ZFAND3: variants seen among roughly 807,000 people sequenced by gnomAD.
ZFAND3 encodes AN1-type zinc finger protein 3.
In ZFAND3, 10 loss-of-function variants were observed where a neutral mutation model predicts 29.6. The ratio of observed to expected loss-of-function variants is 0.34; its 90% CI spans 0.21 to 0.57. ZFAND3 has a LOEUF of 0.57. Among genes scored for constraint, ZFAND3 ranks in the 20% least tolerant of loss-of-function variants. The pLI is 0.86. For missense variants in ZFAND3, 230 were observed against 304.5 expected, an observed-to-expected ratio of 0.76 and a Z score of 1.82; for synonymous variants, 128 against 112.6, an observed-to-expected ratio of 1.14 and a Z score of -0.87.
intron 4 of ZFAND3, among the ~76,000 whole-genome samples, chr6:38,110,417 A>G (rs2127482028): frequency 6.6e-6 from 1 of 152,322 alleles, no homozygotes; most frequent in East Asian, 1.9e-4. Context: ...GCAAAGCATG[A>G]GGAGAAACAC....
At position 38,152,600 on chromosome 6, in the gene ZFAND3, A is replaced by C. The variant is rs550467518; in HGVS notation, c.*211A>C. 680 of 1,240,650 alleles carry C rather than the reference A, an allele frequency of 5.5e-4. 1 individual carries two copies. Among genetic ancestry groups the C allele is most frequent in the Non-Finnish European group, 6.6e-4 (652 of 992,394 alleles). The allele number at this position is 1,240,650 out of a possible 1,614,324, so 76.9% of individuals were successfully genotyped here. On this transcript the variant is annotated 3_prime_UTR_variant, in exon 6 of 6. Transcript: ENST00000287218. ...CTGGTTACTAAGGTGCCTGCTAGCCATTGTATAAAATTAAAACATGAAGAA... is the reference window on the plus strand; with the variant it reads ...CTGGTTACTAAGGTGCCTGCTAGCCCTTGTATAAAATTAAAACATGAAGAA...
chr6:37,994,488 C>T (rs1762815452), intron 2 of ZFAND3, among the ~76,000 whole-genome samples: 2 of 152,138 alleles, frequency 1.3e-5, no homozygotes, highest in African/African-American at 2.4e-5. Context: ...CCTGCCAACA[C>T]CCCCCTCATA....
intron 2 of ZFAND3, among the ~76,000 whole-genome samples, chr6:38,007,339 C>T (rs750124771): frequency 3.3e-5 from 5 of 152,034 alleles, no homozygotes; most frequent in African/African-American, 1.2e-4. Flanking sequence ...GCAGGAGGAT[C>T]GCTTGAGCTC....
rs12662823 is a variant in ZFAND3 at position 38,032,735 on chromosome 6, C to T, written c.113-28858C>T. ...AGCAAAGCACAAAAGAGTCCCTGAA[C>T]TTTATTTAGCTGAAGTTGTGCCTGC... On this transcript the variant is annotated intron_variant, in intron 2 of 5. Coordinates refer to ENST00000287218, the MANE Select transcript of ZFAND3 (RefSeq NM_021943.3). Among the ~76,000 whole-genome samples, 2,548 of 152,260 alleles carry T rather than the reference C, an allele frequency of 0.017. 256 individuals are homozygous for T. The East Asian group carries it at 0.28, about 17-fold the overall frequency.
intron 1 of ZFAND3, among the ~76,000 whole-genome samples, chr6:37,891,864 G>A (rs1205726644): frequency 5.9e-5 from 9 of 152,032 alleles, no homozygotes; most frequent in Non-Finnish European, 1.3e-4. Context: ...GAGTAGTTGG[G>A]ATTACAGGTG....
chr6:38,061,780 GTGTC>G lies in ZFAND3; in HGVS notation c.295+8_295+11del, dbSNP rs1369757497. On this transcript the variant is annotated splice_donor_region_variant and intron_variant, in intron 3 of 5. Transcript: ENST00000287218. ...CTTCACCGAGTAAAGAGGAGTGTAAGTGTCTGGCTTCTGAGGGGTGGTAGAGAGA... is the reference window on the plus strand; with the variant it reads ...CTTCACCGAGTAAAGAGGAGTGTAAGTGGCTTCTGAGGGGTGGTAGAGAGA... 1.6e-5 allele frequency: 26 copies of G among 1,613,798 alleles called. No homozygotes were observed. The highest frequency in any genetic ancestry group is 1.0e-4 in the Admixed American group (6 of 59,990).
chr6:37,992,730 G>A (rs995318047), intron 2 of ZFAND3, among the ~76,000 whole-genome samples: 14 of 152,036 alleles, frequency 9.2e-5, no homozygotes, highest in African/African-American at 3.4e-4. Flanking sequence ...TTTTATTGTA[G>A]TTTTAAAATT....
intron 1 of ZFAND3, among the ~76,000 whole-genome samples, chr6:37,924,312 CT>C (rs34276814): frequency 0.39 from 49,515 of 127,150 alleles, 9,104 homozygotes; most frequent in Non-Finnish European, 0.45. Flanking sequence ...TACTTAAGTG[CT>C]TTTTTTTTTT....
chr6:38,134,953 T>G lies in ZFAND3; in HGVS notation c.530-17282T>G, dbSNP rs113128996. On this transcript the variant is annotated intron_variant, in intron 5 of 5. Coordinates refer to ENST00000287218, the MANE Select transcript of ZFAND3 (RefSeq NM_021943.3). Reference sequence around the variant, plus strand: ...GAAGGGAGACATGGAGAAGACTGCCTTAGAGGTCAGTATATCTGCCAATAA... The same window carrying G: ...GAAGGGAGACATGGAGAAGACTGCCGTAGAGGTCAGTATATCTGCCAATAA... 4.3e-4 allele frequency among the ~76,000 whole-genome samples: 66 copies of G among 152,320 alleles called. 2 individuals are homozygous for G. The highest frequency in any genetic ancestry group is 8.4e-4 in the African/African-American group (35 of 41,578).
chr6:38,023,024 T>A (rs552503060), intron 2 of ZFAND3, among the ~76,000 whole-genome samples: 1 of 152,322 alleles, frequency 6.6e-6, no homozygotes, highest in Non-Finnish European at 1.5e-5. Context: ...TGAAAATAAG[T>A]AAAATCAAAG....
intron 2 of ZFAND3, among the ~76,000 whole-genome samples, chr6:37,964,441 G>C (rs1762255913): frequency 6.6e-6 from 1 of 152,200 alleles, no homozygotes; most frequent in African/African-American, 2.4e-5. Flanking sequence ...ATCTTTGGTT[G>C]TGCAGGTTGA....
chr6:37,989,606 C>A (rs1414149210), intron 2 of ZFAND3, among the ~76,000 whole-genome samples: 1 of 152,066 alleles, frequency 6.6e-6, no homozygotes, highest in Non-Finnish European at 1.5e-5. Context: ...TGGGGGGACA[C>A]AAACATTCAG....
At chr6:37,971,677 T>C (rs182485295) in intron 2 of ZFAND3, among the ~76,000 whole-genome samples, 30 of 152,274 alleles carry the variant, frequency 2.0e-4, no homozygotes, top group Non-Finnish European at 4.1e-4. Flanking sequence ...TCCATTGATA[T>C]ATCTTGTCCT....
At chr6:38,002,527 A>T (rs1347063201) in intron 2 of ZFAND3, among the ~76,000 whole-genome samples, 2 of 151,896 alleles carry the variant, frequency 1.3e-5, no homozygotes, top group African/African-American at 4.8e-5. Context: ...AAAAATCCAA[A>T]AATTAGCCTG....
intron 2 of ZFAND3, among the ~76,000 whole-genome samples, chr6:38,027,781 A>G (rs1269572372): frequency 1.3e-5 from 2 of 152,248 alleles, no homozygotes; most frequent in Non-Finnish European, 2.9e-5. Flanking sequence ...ATGGTTGGGT[A>G]AGTGGAAGAC....
chr6:37,961,699 G>T (rs2127424727), intron 2 of ZFAND3, among the ~76,000 whole-genome samples: 1 of 152,332 alleles, frequency 6.6e-6, no homozygotes, highest in South Asian at 2.1e-4. Flanking sequence ...AGTACAGGAA[G>T]AAAACAAGAG....
intron 2 of ZFAND3, among the ~76,000 whole-genome samples, chr6:37,977,273 C>G (rs1762496545): frequency 6.6e-6 from 1 of 152,076 alleles, no homozygotes; most frequent in Non-Finnish European, 1.5e-5. Flanking sequence ...CATGATTGTA[C>G]TGGTTAGACT....
intron 2 of ZFAND3, among the ~76,000 whole-genome samples, chr6:38,044,689 T>C (rs1286573536): frequency 6.6e-6 from 1 of 152,248 alleles, no homozygotes; most frequent in African/African-American, 2.4e-5. Context: ...GTTTTTCCCT[T>C]GAGTTTGCAC....
chr6:38,142,394 G>A, intron 5 of ZFAND3: 2 of 469,908 alleles, frequency 4.3e-6, no homozygotes, highest in South Asian at 3.1e-5. Flanking sequence ...ACAGGCCACA[G>A]CTCCCTGGTG....
Sources: gnomAD v4.1 joint callset for allele counts (sites outside exome capture counted in the v4.1 genomes callset) on GRCh38, gnomAD v4.1.1 for gene constraint, MANE v1.5 for transcripts, NCBI Gene and HGNC (gene_info 2026-07-23, HGNC 2026-07-21) for gene names.